PRDM1: variants seen among roughly 807,000 people sequenced by gnomAD.
PRDM1 encodes PR/SET domain 1.
In PRDM1, 13 loss-of-function variants were observed where a neutral mutation model predicts 62.8. The observed-to-expected ratio is 0.21, with a 90% CI of 0.13 to 0.33. The LOEUF (loss-of-function observed/expected upper bound fraction) is 0.33, where lower values mean the gene tolerates loss of function less well. PRDM1 is among the 10% of genes least tolerant of loss of function. The pLI, the probability that PRDM1 is intolerant of heterozygous loss-of-function variation, is 1.00. For missense variants in PRDM1, 895 were observed against 1,058.8 expected (o/e 0.85, Z 2.15); for synonymous variants, 396 against 417.6 (o/e 0.95, Z 0.63).
At chr6:106,059,211 G>T (rs1214441015) in intron 1 of PRDM1, among the ~76,000 whole-genome samples, 1 of 152,130 alleles carries the variant, frequency 6.6e-6, no homozygotes, top group Non-Finnish European at 1.5e-5. Flanking sequence ...AGATAAAAAA[G>T]AGTGATTATG....
intron 4 of PRDM1, among the ~76,000 whole-genome samples, chr6:106,099,885 A>T (rs1774219247): frequency 6.6e-6 from 1 of 152,266 alleles, no homozygotes; most frequent in South Asian, 2.1e-4. Context: ...TATGCAAGGT[A>T]TAGCCCTCAT....
intron 2 of PRDM1, among the ~76,000 whole-genome samples, chr6:106,093,813 A>G (rs1447409212): frequency 1.3e-5 from 2 of 152,240 alleles, no homozygotes; most frequent in African/African-American, 4.8e-5. Flanking sequence ...GATGAAATGA[A>G]CATCTGCTTT....
In PRDM1 at chr6:106,093,361, C is replaced by T. The variant is rs150995481; in HGVS notation, c.292-2254C>T. ...CTCCGTTTTGGTAATCAAGCTCTGA[C>T]TCCCAAGACACCATCTGTAAGAGAC... On this transcript the variant is annotated intron_variant, in intron 2 of 6. Transcript: ENST00000369096. Among the ~76,000 whole-genome samples, 154 of 152,314 alleles carry T rather than the reference C, an allele frequency of 1.0e-3. 1 individual carries two copies. The East Asian group carries it at 0.028, about 28-fold the overall frequency.
At chr6:106,044,225 G>C (rs1582436435), upstream of PRDM1, among the ~76,000 whole-genome samples, 3 of 120,694 alleles carry the variant, frequency 2.5e-5, no homozygotes, top group Admixed American at 9.9e-5. Context: ...TCCTGCTCAT[G>C]ACTAAATTCT....
chr6:106,081,238 C>T (rs1773689818), intron 1 of PRDM1, among the ~76,000 whole-genome samples: 1 of 152,184 alleles, frequency 6.6e-6, no homozygotes, highest in African/African-American at 2.4e-5. Flanking sequence ...GGTGTCACCA[C>T]CGGTTTAACA....
intron 3 of PRDM1, 163 bp downstream of exon 3, chr6:106,095,897 A>T (rs1774102529): frequency 1.4e-6 from 1 of 729,048 alleles, no homozygotes; most frequent in African/African-American, 1.8e-5. Context: ...AAATGTGATG[A>T]AACCGATGAA....
At chr6:106,056,710 A>T (rs936966123) in intron 1 of PRDM1, among the ~76,000 whole-genome samples, 4 of 152,254 alleles carry the variant, frequency 2.6e-5, no homozygotes, top group Non-Finnish European at 5.9e-5. Context: ...ATGACTTTTT[A>T]AAATAAATTC....
intron 1 of PRDM1, among the ~76,000 whole-genome samples, chr6:106,055,305 T>C (rs1773246953): frequency 6.6e-6 from 1 of 152,222 alleles, no homozygotes. Context: ...TTAGTTATAT[T>C]TATGTGAACA....
At chr6:106,074,746 G>A (rs530929606) in intron 1 of PRDM1, among the ~76,000 whole-genome samples, 51 of 152,286 alleles carry the variant, frequency 3.3e-4, no homozygotes, top group African/African-American at 1.0e-3. Flanking sequence ...AGGCCAAGGC[G>A]GGCGGATCGC....
Position 106,086,568 on chromosome 6 carries a change from C to A in PRDM1, c.15C>A (p.Cys5Ter). 6.4e-7 allele frequency: 1 copy of A among 1,551,560 alleles called. No individual in the cohort carries two copies. The highest frequency in any genetic ancestry group is 8.7e-7 in the Non-Finnish European group (1 of 1,146,700). Residue 5 changes from cysteine to a stop codon, truncating the protein, a stop_gained, in exon 1 of 7, where the codon TGC becomes TGA. Coordinates refer to ENST00000369096, the MANE Select transcript of PRDM1 (RefSeq NM_001198.4). LOFTEE classifies it high-confidence loss of function. MLDI[C>*]LEKRVGTTLA... The stretch of plus-strand genomic sequence containing the variant: ...ACTTTTCTCAGATGTTGGATATTTG[C>A]TTGGAAAAACGTGTGGGTACGACCT...
intron 1 of PRDM1, among the ~76,000 whole-genome samples, chr6:106,071,328 G>T (rs1029242489): frequency 2.0e-5 from 3 of 151,960 alleles, no homozygotes; most frequent in African/African-American, 7.3e-5. Flanking sequence ...AGAGAATGAG[G>T]AGAATTATAT....
chr6:106,016,649 CTTTT>C (rs71006665), intron 1 of PRDM1, among the ~76,000 whole-genome samples: 3 of 135,830 alleles, frequency 2.2e-5, no homozygotes, highest in Non-Finnish European at 3.1e-5. Flanking sequence ...TCTTTTCTCT[CTTTT>C]TTTTTTTTTT....
At chr6:106,002,718 T>C (rs1320115150) in intron 1 of PRDM1, among the ~76,000 whole-genome samples, 2 of 152,204 alleles carry the variant, frequency 1.3e-5, no homozygotes, top group Non-Finnish European at 2.9e-5. Context: ...AAAAATGATA[T>C]TTGAGGCATT....
chr6:106,020,081 G>T (rs1772675095), intron 1 of PRDM1, among the ~76,000 whole-genome samples: 1 of 151,336 alleles, frequency 6.6e-6, no homozygotes, highest in African/African-American at 2.4e-5. Flanking sequence ...ACAAAAATTA[G>T]CTGGGTGTGG....
rs1772321261 is a variant in PRDM1, at chr6:105,994,441, C to T, written c.-67+802C>T. Among the ~76,000 whole-genome samples the T allele has an allele frequency of 6.6e-6, 1 of 151,294 alleles. No individual in the cohort carries two copies. The highest frequency in any genetic ancestry group is 1.5e-5 in the Non-Finnish European group (1 of 67,780). On this transcript the variant is annotated intron_variant, in intron 1 of 6. Coordinates refer to the PRDM1 transcript ENST00000652320. The surrounding 1 kb of genome is among the most constrained non-coding windows in gnomAD (Gnocchi z 4.1). Reference sequence around the variant, plus strand: ...CTGGAAGACGAGCGGGGACGCGTGACAGCGCGGGGATAGCTTTTCTATTAC... The same window carrying T: ...CTGGAAGACGAGCGGGGACGCGTGATAGCGCGGGGATAGCTTTTCTATTAC...
At chr6:106,104,251 G>A (rs1774367592) in intron 4 of PRDM1, among the ~76,000 whole-genome samples, 1 of 135,230 alleles carries the variant, frequency 7.4e-6, no homozygotes, top group South Asian at 2.4e-4. Context: ...TGCTCTTGTT[G>A]CCCAGTCTGG....
upstream of PRDM1, among the ~76,000 whole-genome samples, chr6:106,082,867 A>G (rs1773716405): frequency 6.6e-6 from 1 of 152,192 alleles, no homozygotes; most frequent in Non-Finnish European, 1.5e-5. Context: ...GATTCAACTC[A>G]TCATCGAAAC....
chr6:106,071,294 T>C (rs139877902), intron 1 of PRDM1, among the ~76,000 whole-genome samples: 1 of 152,148 alleles, frequency 6.6e-6, no homozygotes, highest in East Asian at 1.9e-4. Context: ...CATCTTATTA[T>C]GCCACCCATT....
chr6:106,082,692 A>G (rs1219793875), upstream of PRDM1, among the ~76,000 whole-genome samples: 4 of 152,100 alleles, frequency 2.6e-5, no homozygotes, highest in Non-Finnish European at 4.4e-5. Context: ...AATTTACTTA[A>G]TTTTTGTTTC....
Sources: gnomAD v4.1 joint callset for allele counts (sites outside exome capture counted in the v4.1 genomes callset) on GRCh38, gnomAD v4.1.1 for gene constraint, Gnocchi (gnomAD v3.1) non-coding constraint, MANE v1.5 for transcripts, NCBI Gene and HGNC (gene_info 2026-07-23, HGNC 2026-07-21) for gene names.